MTSS1: variants seen among roughly 807,000 people sequenced by gnomAD.
The protein encoded by MTSS1 is MTSS I-BAR domain containing 1.
Under a neutral mutation model 79.0 loss-of-function variants are expected in MTSS1, and 18 were observed. That is an observed-to-expected ratio of 0.23 (90% CI 0.16 to 0.34). The LOEUF (loss-of-function observed/expected upper bound fraction) is 0.34, where lower values mean the gene tolerates loss of function less well. Ranked by LOEUF, MTSS1 falls within the 10% of genes least tolerant of loss-of-function variation. The pLI, the probability that MTSS1 is intolerant of heterozygous loss-of-function variation, is 1.00. For missense variants in MTSS1, 815 were observed against 986.2 expected, an observed-to-expected ratio of 0.83 and a Z score of 2.33; for synonymous variants, 341 against 368.6, an observed-to-expected ratio of 0.93 and a Z score of 0.86.
At chr8:124,614,362 C>T (rs530661303) in intron 3 of MTSS1, among the ~76,000 whole-genome samples, 1 of 152,168 alleles carries the variant, frequency 6.6e-6, no homozygotes, top group South Asian at 2.1e-4. Context: ...GGAGGTTTTA[C>T]TCATCTGAGA....
intron 1 of MTSS1, among the ~76,000 whole-genome samples, chr8:124,726,050 C>T (rs558741319): frequency 1.2e-4 from 19 of 152,214 alleles, no homozygotes; most frequent in African/African-American, 4.6e-4. Flanking sequence ...TAAACTCAAA[C>T]CGAAAGAAGT....
intron 6 of MTSS1, among the ~76,000 whole-genome samples, chr8:124,578,797 C>G (rs370006426): frequency 6.6e-5 from 10 of 151,908 alleles, no homozygotes; most frequent in African/African-American, 9.7e-5. Context: ...AGGCTGGTCT[C>G]GAACTCCTGA....
intron 3 of MTSS1, among the ~76,000 whole-genome samples, chr8:124,591,459 G>C (rs998258790): frequency 6.6e-6 from 1 of 152,164 alleles, no homozygotes; most frequent in Non-Finnish European, 1.5e-5. Flanking sequence ...ATCACCAAAG[G>C]CTGCTCCTAC....
At chr8:124,694,740 T>C (rs1828521678) in intron 3 of MTSS1, among the ~76,000 whole-genome samples, 1 of 152,178 alleles carries the variant, frequency 6.6e-6, no homozygotes, top group South Asian at 2.1e-4. Flanking sequence ...GCTCCTGTAA[T>C]AGCCACGTGC....
At chr8:124,572,724 A>G (rs1586904079) in intron 6 of MTSS1, among the ~76,000 whole-genome samples, 1 of 146,182 alleles carries the variant, frequency 6.8e-6, no homozygotes, top group South Asian at 2.2e-4. Flanking sequence ...GCCCTGGGCT[A>G]CTTTCTTTCT....
chr8:124,585,263 T>C, intron 5 of MTSS1, 102 bp from the exon 6 acceptor site: 1 of 816,146 alleles, frequency 1.2e-6, no homozygotes, highest in Admixed American at 2.1e-5. Flanking sequence ...GCATAAACTG[T>C]GACATGCCGT....
At chr8:124,592,653 A>G (rs1242847199) in intron 3 of MTSS1, among the ~76,000 whole-genome samples, 1 of 152,188 alleles carries the variant, frequency 6.6e-6, no homozygotes, top group Non-Finnish European at 1.5e-5. Context: ...TGTGACATAT[A>G]TATCGTATAT....
At chr8:124,605,630 CCTCGCGCTGGG>C (rs1834693016) in intron 3 of MTSS1, among the ~76,000 whole-genome samples, 1 of 142,706 alleles carries the variant, frequency 7.0e-6, no homozygotes, top group African/African-American at 2.8e-5. Flanking sequence ...CCCTCCCTGC[CCTCGCGCTGGG>C]CTCCCGTTGG....
chr8:124,616,054 G>A lies in MTSS1; in HGVS notation c.209-24819C>T, dbSNP rs1345860219. Among the ~76,000 whole-genome samples, 16 of 152,182 alleles carry A rather than the reference G, an allele frequency of 1.1e-4. 1 individual carries two copies. Among genetic ancestry groups the A allele is most frequent in the Admixed American group, 1.0e-3 (16 of 15,278 alleles). On this transcript the variant is annotated intron_variant, in intron 3 of 13. Transcript: ENST00000518547. ...GGTGACACCAGCACAGATCCACACG[G>A]CTCTGGGCCACCTCCGCCTCCAACT...
At chr8:124,631,208 C>A (rs1016391322) in intron 3 of MTSS1, among the ~76,000 whole-genome samples, 4 of 152,186 alleles carry the variant, frequency 2.6e-5, no homozygotes, top group African/African-American at 9.7e-5. Context: ...GGCCAGGTCT[C>A]CTGGACTCGG....
intron 10 of MTSS1, among the ~76,000 whole-genome samples, chr8:124,558,267 C>T (rs1824455615): frequency 6.9e-6 from 1 of 145,412 alleles, no homozygotes; most frequent in Non-Finnish European, 1.5e-5. Context: ...TGAATCTGTT[C>T]ATTCTAGGTT....
chr8:124,635,428 C>G (rs778243320), intron 3 of MTSS1, among the ~76,000 whole-genome samples: 1 of 152,236 alleles, frequency 6.6e-6, no homozygotes, highest in Non-Finnish European at 1.5e-5. Flanking sequence ...TCTGAGAAGA[C>G]TCAGGACTTC....
intron 3 of MTSS1, among the ~76,000 whole-genome samples, chr8:124,600,040 CAA>C (rs1175089825): frequency 2.2e-5 from 2 of 89,398 alleles, no homozygotes; most frequent in Admixed American, 1.2e-4. Context: ...GGTTGTACTA[CAA>C]AAAAAAAAAA....
intron 3 of MTSS1, among the ~76,000 whole-genome samples, chr8:124,693,951 G>GA (rs1375514685): frequency 2.6e-5 from 4 of 152,056 alleles, no homozygotes; most frequent in Non-Finnish European, 5.9e-5. Flanking sequence ...TTATAGGTGG[G>GA]AAAATGGAAG....
chr8:124,622,686 G>C (rs28635480), intron 3 of MTSS1, among the ~76,000 whole-genome samples: 1 of 151,518 alleles, frequency 6.6e-6, no homozygotes, highest in African/African-American at 2.4e-5. Flanking sequence ...TCCATTACTC[G>C]GGAGGCTGAG....
intron 1 of MTSS1, among the ~76,000 whole-genome samples, chr8:124,712,511 A>C (rs1442276424): frequency 1.3e-5 from 2 of 152,186 alleles, no homozygotes; most frequent in African/African-American, 2.4e-5. Flanking sequence ...GACAGGGCCC[A>C]TGAATGCCTG....
At chr8:124,600,886 G>A (rs556112365) in intron 3 of MTSS1, among the ~76,000 whole-genome samples, 4 of 152,060 alleles carry the variant, frequency 2.6e-5, no homozygotes, top group African/African-American at 4.8e-5. Flanking sequence ...TAATTGTTAC[G>A]CATCCACAAC....
At position 124,637,400 on chromosome 8, in the gene MTSS1, C is replaced by T. The variant is rs1165789003; in HGVS notation, c.209-46165G>A. On this transcript the variant is annotated intron_variant, in intron 3 of 13. Coordinates refer to ENST00000518547, the MANE Select transcript of MTSS1 (RefSeq NM_014751.6). The stretch of plus-strand genomic sequence containing the variant: ...TGGCCAATCTAGAGTGAGGAATATA[C>T]AGGAGAGAAACCTGAGCAGCATGGG... Among the ~76,000 whole-genome samples the T allele has an allele frequency of 2.6e-5, 4 of 152,110 alleles. No individual in the cohort carries two copies. The East Asian group carries it at 7.7e-4, about 29-fold the overall frequency.
intron 3 of MTSS1, among the ~76,000 whole-genome samples, chr8:124,637,948 A>G (rs916245504): frequency 6.6e-6 from 1 of 152,266 alleles, no homozygotes; most frequent in African/African-American, 2.4e-5. Flanking sequence ...CACACAAGTT[A>G]GATAAATTAA....
Sources: gnomAD v4.1 joint callset for allele counts (sites outside exome capture counted in the v4.1 genomes callset) on GRCh38, gnomAD v4.1.1 for gene constraint, MANE v1.5 for transcripts, NCBI Gene and HGNC (gene_info 2026-07-23, HGNC 2026-07-21) for gene names.